JPH1: variants seen among roughly 807,000 people sequenced by gnomAD.
JPH1 encodes junctophilin-1.
Under a neutral mutation model 53.6 loss-of-function variants are expected in JPH1, and 12 were observed. The ratio of observed to expected loss-of-function variants is 0.22; its 90% CI spans 0.14 to 0.36. JPH1 has a LOEUF of 0.36. Ranked by LOEUF, JPH1 falls within the 10% of genes least tolerant of loss-of-function variation. The probability of loss-of-function intolerance (pLI) is 1.00; values close to 1 mark genes in which losing one functional copy is unlikely to be tolerated. For missense variants in JPH1, 808 were observed against 905.5 expected, an observed-to-expected ratio of 0.89 and a Z score of 1.38; for synonymous variants, 375 against 363.8, an observed-to-expected ratio of 1.03 and a Z score of -0.35.
At chr8:74,318,210 A>T (rs552609089) in intron 1 of JPH1, among the ~76,000 whole-genome samples, 1 of 152,306 alleles carries the variant, frequency 6.6e-6, no homozygotes, top group Non-Finnish European at 1.5e-5. Context: ...TAAAATGTAG[A>T]TGCATATTTC....
chr8:74,320,288 C>T lies in JPH1; in HGVS notation c.379+621G>A, dbSNP rs189615612. Among the ~76,000 whole-genome samples, 27 of 152,342 alleles carry T rather than the reference C, an allele frequency of 1.8e-4. No individual in the cohort carries two copies. Among genetic ancestry groups the T allele is most frequent in the Admixed American group, 3.3e-4 (5 of 15,304 alleles). On this transcript the variant is annotated intron_variant, in intron 1 of 5. Coordinates refer to ENST00000342232, the MANE Select transcript of JPH1 (RefSeq NM_020647.4). The surrounding 1 kb of genome is among the most constrained non-coding windows in gnomAD (Gnocchi z 4.4). The stretch of plus-strand genomic sequence containing the variant: ...ACTCACACACTCTGAACTCCACCTG[C>T]ATCAGGTGGCCTTTCTGCTCCCATA...
Position 74,236,001 on chromosome 8 carries a change from T to C in JPH1, c.*1050A>G, listed in dbSNP as rs1806987566. 1 of 152,248 alleles carries C rather than the reference T, an allele frequency of 6.6e-6. No individual in the cohort carries two copies. The highest frequency in any genetic ancestry group is 1.5e-5 in the Non-Finnish European group (1 of 68,044). 9.4% of individuals were successfully genotyped at this position (152,248 alleles called of 1,614,324 possible). A position where few individuals can be genotyped will look rare whatever the true frequency, so the allele number is the denominator to read the frequency against. On this transcript the variant is annotated 3_prime_UTR_variant, in exon 6 of 6. Coordinates refer to ENST00000342232, the MANE Select transcript of JPH1 (RefSeq NM_020647.4). ...AGCCACCGACAAGATTTTATTTGGT[T>C]GTAAAGTACGTCAGCAAAGAAACTG... is the stretch of plus-strand genomic sequence containing the variant.
chr8:74,239,468 C>T (rs550090532), intron 4 of JPH1, among the ~76,000 whole-genome samples: 5 of 152,248 alleles, frequency 3.3e-5, no homozygotes, highest in South Asian at 4.1e-4. Context: ...ATTGTGATAA[C>T]GACCAACTGC....
At chr8:74,254,022 A>T (rs1258154132) in intron 3 of JPH1, among the ~76,000 whole-genome samples, 1 of 152,114 alleles carries the variant, frequency 6.6e-6, no homozygotes, top group Non-Finnish European at 1.5e-5. Flanking sequence ...AAAAAGAGGG[A>T]ATCCTCCCTA....
chr8:74,237,316 G>C lies in JPH1; in HGVS notation c.1906-13C>G. On this transcript the variant is annotated splice_polypyrimidine_tract_variant and intron_variant, in intron 4 of 5. Coordinates refer to ENST00000342232, the MANE Select transcript of JPH1 (RefSeq NM_020647.4). The stretch of plus-strand genomic sequence containing the variant: ...TTGAATTAGGGCCCTGAAAATGAAA[G>C]AGAACAAAGTAACTATAACTTCTCC... 1.3e-6 allele frequency: 2 copies of C among 1,593,614 alleles called. No homozygotes were observed. The highest frequency in any genetic ancestry group is 1.7e-6 in the Non-Finnish European group (2 of 1,165,352).
In JPH1 at chr8:74,320,772, G is replaced by C. The variant is rs1225525289; in HGVS notation, c.379+137C>G. On this transcript the variant is annotated intron_variant, in intron 1 of 5. Coordinates refer to ENST00000342232, the MANE Select transcript of JPH1 (RefSeq NM_020647.4). This position sits in a 1 kb window ranked among gnomAD's most constrained non-coding sequence, Gnocchi z 4.4. ...TCTGGGAAAGGCGGGCGCGGGCGCG[G>C]GGGTGGGAGGCGCCCCCAGGTGTTT... is the stretch of plus-strand genomic sequence containing the variant. 9.3e-7 allele frequency: 1 copy of C among 1,077,518 alleles called. No homozygotes were observed. Among genetic ancestry groups the C allele is most frequent in the Non-Finnish European group, 1.2e-6 (1 of 803,562 alleles). The allele number at this position is 1,077,518 out of a possible 1,614,324, so 66.7% of individuals were successfully genotyped here. A position where few individuals can be genotyped will look rare whatever the true frequency, so the allele number is the denominator to read the frequency against.
intron 4 of JPH1, among the ~76,000 whole-genome samples, chr8:74,240,381 T>G (rs941540437): frequency 9.2e-5 from 14 of 152,118 alleles, no homozygotes; most frequent in African/African-American, 3.1e-4. Context: ...TTGTATCCAT[T>G]AAACATCCCC....
chr8:74,259,437 G>C lies in JPH1; in HGVS notation c.1206C>G (p.Cys402Trp). 2.5e-6 allele frequency: 4 copies of C among 1,613,546 alleles called. No individual in the cohort carries two copies. Among genetic ancestry groups the C allele is most frequent in the Non-Finnish European group, 3.4e-6 (4 of 1,179,704 alleles). ...DQAALAARQE[C>W]DIARAVAREL... ...CCCTGGCCACAGCTCTCGCGATGTC[G>C]CACTCCTGGCGAGCGGCCAGCGCGG... The change falls in exon 3 of 6, where the codon TGC becomes TGG. Residue 402 changes from cysteine to tryptophan, a missense_variant. Around this residue, in one of 2 missense-constraint regions of JPH1, gnomAD observed 756 missense variants for 811.9 expected, o/e 0.93. Coordinates refer to ENST00000342232, the MANE Select transcript of JPH1 (RefSeq NM_020647.4).
intron 2 of JPH1, among the ~76,000 whole-genome samples, chr8:74,260,691 G>A (rs1019663990): frequency 5.9e-5 from 9 of 152,122 alleles, no homozygotes; most frequent in African/African-American, 7.2e-5. Context: ...GCTGGCAGGC[G>A]GAGCTCCTGG....
intron 4 of JPH1, 136 bp downstream of exon 4, chr8:74,244,393 G>A: frequency 1.1e-6 from 1 of 888,346 alleles, no homozygotes; most frequent in Non-Finnish European, 1.7e-6. Flanking sequence ...AATGTGTTAT[G>A]TGCTGCTCTA....
intron 2 of JPH1, among the ~76,000 whole-genome samples, chr8:74,297,774 G>A (rs1366828896): frequency 6.6e-6 from 1 of 152,154 alleles, no homozygotes; most frequent in Non-Finnish European, 1.5e-5. Context: ...TTATATAAAC[G>A]TAGTCAGAGT....
chr8:74,308,447 T>C (rs7008269), intron 2 of JPH1, among the ~76,000 whole-genome samples: 21,688 of 152,194 alleles, frequency 0.14, 3,190 homozygotes, highest in African/African-American at 0.38. Flanking sequence ...AGTTTCCATC[T>C]TTAAAATGTG....
intron 2 of JPH1, among the ~76,000 whole-genome samples, chr8:74,300,971 T>A (rs1381543623): frequency 6.6e-6 from 1 of 152,140 alleles, no homozygotes; most frequent in Non-Finnish European, 1.5e-5. Context: ...ATACCGGGAA[T>A]GAATCACTAC....
chr8:74,245,084 C>T lies in JPH1; in HGVS notation c.1350G>A (p.Lys450=). 1 of 1,612,688 alleles carries T rather than the reference C, an allele frequency of 6.2e-7. No homozygotes were observed. Among genetic ancestry groups the T allele is most frequent in the East Asian group, 2.2e-5 (1 of 44,840 alleles). The change falls in exon 4 of 6, where the codon AAG becomes AAA. Residue 450 remains lysine, a synonymous_variant. Coordinates refer to ENST00000342232, the MANE Select transcript of JPH1 (RefSeq NM_020647.4). ...CTTTGCGATAAAAATGAGGAGACTC[C>T]TTTGGTGTAGGTGGCTTTTCTGGTA... is the stretch of plus-strand genomic sequence containing the variant. ...EKVPEKPPTP[K]ESPHFYRKGT... is the part of the protein sequence containing the mutation.
chr8:74,294,506 C>T (rs898471039), intron 2 of JPH1, among the ~76,000 whole-genome samples: 2 of 152,196 alleles, frequency 1.3e-5, no homozygotes, highest in Non-Finnish European at 1.5e-5. Flanking sequence ...AATTCTACAA[C>T]AATCTCTCTT....
chr8:74,317,293 C>A (rs1179627431), intron 1 of JPH1, among the ~76,000 whole-genome samples: 1 of 152,220 alleles, frequency 6.6e-6, no homozygotes, highest in Non-Finnish European at 1.5e-5. Flanking sequence ...CAATGAAATA[C>A]TAAGTGGGTC....
chr8:74,299,056 A>AG (rs1275305473), intron 2 of JPH1, among the ~76,000 whole-genome samples: 1 of 152,162 alleles, frequency 6.6e-6, no homozygotes, highest in Non-Finnish European at 1.5e-5. Context: ...ACTGCCTTTG[A>AG]GGGGGTTTTT....
At chr8:74,284,829 C>CTTT (rs201080994) in intron 2 of JPH1, among the ~76,000 whole-genome samples, 2 of 122,204 alleles carry the variant, frequency 1.6e-5, no homozygotes, top group Non-Finnish European at 3.5e-5. Flanking sequence ...TTCTTTCTTT[C>CTTT]TTTTTTTTTT....
At chr8:74,274,101 T>C (rs1360829532) in intron 2 of JPH1, among the ~76,000 whole-genome samples, 1 of 152,214 alleles carries the variant, frequency 6.6e-6, no homozygotes, top group Non-Finnish European at 1.5e-5. Flanking sequence ...TTTTCCCTTT[T>C]TGACATAATC....
Sources: allele counts gnomAD v4.1 joint callset (sites outside exome capture counted in the v4.1 genomes callset), GRCh38; gene constraint gnomAD v4.1.1; regional missense constraint gnomAD v4.1.1; non-coding constraint Gnocchi (gnomAD v3.1); transcripts MANE v1.5; gene names NCBI Gene and HGNC (gene_info 2026-07-23, HGNC 2026-07-21).